EHBP1: variants seen among roughly 807,000 people sequenced by gnomAD.
The protein encoded by EHBP1 is EH domain binding protein 1.
A neutral mutation model predicts 144.0 loss-of-function variants in EHBP1; 55 were observed. That is an observed-to-expected ratio of 0.38 (90% CI 0.31 to 0.48). The LOEUF (loss-of-function observed/expected upper bound fraction) is 0.48, where lower values mean the gene tolerates loss of function less well. Among genes scored for constraint, EHBP1 ranks in the 20% least tolerant of loss-of-function variants. The pLI is 0.98. For missense variants in EHBP1, 1,200 were observed against 1,364.2 expected (o/e 0.88, Z 1.90); for synonymous variants, 469 against 472.7 (o/e 0.99, Z 0.10).
chr2:62,798,575 GATA>G (rs893566240), intron 5 of EHBP1, among the ~76,000 whole-genome samples: 3 of 152,100 alleles, frequency 2.0e-5, no homozygotes. Flanking sequence ...ATAAAATGAA[GATA>G]ATAATACACC....
At chr2:62,789,168 C>A (rs1179795162) in intron 5 of EHBP1, among the ~76,000 whole-genome samples, 1 of 152,048 alleles carries the variant, frequency 6.6e-6, no homozygotes. Flanking sequence ...TTGGCTGTTG[C>A]CATTAATAAG....
At chr2:62,721,949 A>G (rs1394966689) in intron 2 of EHBP1, among the ~76,000 whole-genome samples, 2 of 152,194 alleles carry the variant, frequency 1.3e-5, no homozygotes, top group East Asian at 3.8e-4. Flanking sequence ...CAAACACAAT[A>G]CAAATAATTC....
At chr2:62,953,718 G>T (rs1016516736) in intron 13 of EHBP1, among the ~76,000 whole-genome samples, 4 of 151,182 alleles carry the variant, frequency 2.6e-5, no homozygotes. Flanking sequence ...TTTTTAACTT[G>T]TATTTATTTT....
At chr2:62,718,851 C>T (rs2035935739) in intron 2 of EHBP1, among the ~76,000 whole-genome samples, 1 of 152,124 alleles carries the variant, frequency 6.6e-6, no homozygotes, top group South Asian at 2.1e-4. Flanking sequence ...TTAGCTGTGC[C>T]ATTTTAGCTG....
chr2:63,005,477 A>C (rs2060001145), intron 19 of EHBP1, among the ~76,000 whole-genome samples: 1 of 152,086 alleles, frequency 6.6e-6, no homozygotes, highest in Non-Finnish European at 1.5e-5. Flanking sequence ...ATGCCAAATA[A>C]ATCGAGTTCC....
intron 5 of EHBP1, among the ~76,000 whole-genome samples, chr2:62,807,057 AT>A (rs1184676276): frequency 6.6e-6 from 1 of 152,094 alleles, no homozygotes; most frequent in African/African-American, 2.4e-5. Context: ...TGTGTTTTCA[AT>A]TTGCATTTTG....
intron 5 of EHBP1, among the ~76,000 whole-genome samples, chr2:62,804,709 A>G (rs1403836278): frequency 2.0e-5 from 3 of 152,202 alleles, no homozygotes; most frequent in Non-Finnish European, 2.9e-5. Flanking sequence ...CCCTCAGGCC[A>G]TGGATTGGTA....
At chr2:62,730,250 A>G (rs1015983607) in intron 2 of EHBP1, among the ~76,000 whole-genome samples, 2 of 152,082 alleles carry the variant, frequency 1.3e-5, no homozygotes, top group Non-Finnish European at 2.9e-5. Context: ...CCGTTATAGT[A>G]TCATACAGAA....
At chr2:62,944,941 T>G (rs2056978031) in intron 12 of EHBP1, among the ~76,000 whole-genome samples, 1 of 152,218 alleles carries the variant, frequency 6.6e-6, no homozygotes, top group African/African-American at 2.4e-5. Context: ...CTGTGAACTG[T>G]GGGTAGAAAT....
chr2:62,981,789 C>G (rs2058984194), intron 15 of EHBP1, among the ~76,000 whole-genome samples: 1 of 152,118 alleles, frequency 6.6e-6, no homozygotes, highest in African/African-American at 2.4e-5. Flanking sequence ...GAAATGGAGA[C>G]TAGAACAAGG....
At chr2:62,825,542 T>TA (rs899658201) in intron 5 of EHBP1, among the ~76,000 whole-genome samples, 3 of 120,986 alleles carry the variant, frequency 2.5e-5, no homozygotes, top group East Asian at 2.3e-4. Flanking sequence ...GACTGAACAA[T>TA]AAAAAAAAGG....
chr2:62,981,199 G>A (rs911087374), intron 15 of EHBP1, among the ~76,000 whole-genome samples: 1 of 151,302 alleles, frequency 6.6e-6, no homozygotes, highest in Non-Finnish European at 1.5e-5. Context: ...CAGTAATTAT[G>A]CACAGCTACA....
chr2:62,774,001 G>A (rs1481769374), intron 5 of EHBP1, among the ~76,000 whole-genome samples: 4 of 151,756 alleles, frequency 2.6e-5, no homozygotes, highest in Non-Finnish European at 5.9e-5. Flanking sequence ...GTTACAGTAG[G>A]AGCTCTTCTG....
intron 14 of EHBP1, 71 bp downstream of exon 14, chr2:62,955,731 T>C: frequency 6.6e-7 from 1 of 1,512,984 alleles, no homozygotes; most frequent in Non-Finnish European, 8.9e-7. Context: ...AGTAATTTGC[T>C]TGTATTTCTG....
intron 5 of EHBP1, 163 bp from the exon 6 acceptor site, chr2:62,825,924 G>A: frequency 2.1e-6 from 1 of 481,242 alleles, no homozygotes; most frequent in South Asian, 5.9e-5. Context: ...TAACAACTGT[G>A]ATACAACTTC....
At chr2:62,834,274 T>C (rs1228804882) in intron 7 of EHBP1, among the ~76,000 whole-genome samples, 2 of 152,250 alleles carry the variant, frequency 1.3e-5, no homozygotes, top group African/African-American at 4.8e-5. Flanking sequence ...AAAGAAGCTC[T>C]ACTGTCAGTA....
At chr2:62,950,568 C>A (rs557254117) in intron 13 of EHBP1, among the ~76,000 whole-genome samples, 28 of 152,132 alleles carry the variant, frequency 1.8e-4, no homozygotes, top group African/African-American at 6.5e-4. Flanking sequence ...GTTTTAATAT[C>A]AAAAATGACA....
intron 1 of EHBP1, among the ~76,000 whole-genome samples, chr2:62,679,386 C>T (rs1487101683): frequency 3.3e-5 from 5 of 151,870 alleles, no homozygotes; most frequent in Non-Finnish European, 5.9e-5. Flanking sequence ...TTTTCCTTAT[C>T]CCCTGCAAAT....
At position 62,982,007 on chromosome 2, in the gene EHBP1, G is replaced by A. The variant is rs543408634; in HGVS notation, c.2608+2672G>A. Among the ~76,000 whole-genome samples the A allele has an allele frequency of 5.9e-5, 9 of 152,212 alleles. No individual in the cohort carries two copies. In the South Asian group the frequency reaches 1.2e-3, roughly 21 times the overall value. ...CTAAGGTTGACCTAAGACAAATGAC[G>A]CAGGCCTATTTCCTGTCCTCGGTGG... On this transcript the variant is annotated intron_variant, in intron 15 of 22. Transcript: ENST00000431489.
Sources: gnomAD v4.1 joint callset for allele counts (sites outside exome capture counted in the v4.1 genomes callset) on GRCh38, gnomAD v4.1.1 for gene constraint, MANE v1.5 for transcripts, NCBI Gene and HGNC (gene_info 2026-07-23, HGNC 2026-07-21) for gene names.